The following PIEZO2 variants were observed in gnomAD, a reference collection of about 807,000 sequenced individuals.
PIEZO2 encodes piezo type mechanosensitive ion channel component 2, also known as piezo-type mechanosensitive ion channel component 2.
A neutral mutation model predicts 337.3 loss-of-function variants in PIEZO2; 172 were observed. That is an observed-to-expected ratio of 0.51 (90% CI 0.45 to 0.58). The LOEUF (loss-of-function observed/expected upper bound fraction) is 0.58, where lower values mean the gene tolerates loss of function less well. PIEZO2 is among the 20% of genes least tolerant of loss of function. The pLI, the probability that PIEZO2 is intolerant of heterozygous loss-of-function variation, is 0.00. For synonymous variants in PIEZO2, 1,251 were observed against 1,228.5 expected (o/e 1.02, Z -0.38); for missense variants, 3,028 against 3,391.3 (o/e 0.89, Z 2.66).
chr18:10,977,001 ATGTGTGTG>A (rs59666101), intron 3 of PIEZO2, among the ~76,000 whole-genome samples: 20 of 142,908 alleles, frequency 1.4e-4, no homozygotes, highest in East Asian at 4.1e-4. Flanking sequence ...AAGAACAAAT[ATGTGTGTG>A]TGTGTGTGTG....
At position 10,759,815 on chromosome 18, in the gene PIEZO2, C is replaced by A; in HGVS notation, c.3545G>T (p.Arg1182Leu). The change falls in exon 25 of 56, where the codon CGC (arginine) becomes CTC (leucine). Residue 1182 changes from arginine (R) to leucine (L), a missense_variant. Arg to Leu is a moderately radical substitution (Grantham distance 102). Coordinates refer to ENST00000674853, the MANE Select transcript of PIEZO2 (RefSeq NM_001378183.1). The surrounding 1 kb of genome is among the most constrained non-coding windows in gnomAD (Gnocchi z 5.5). ...ACWLIAVLYR[R>L]RRKAIAEIWP... ...GATCTCTGCGATGGCTTTCCTTCTG[C>A]GTCTATATAAGACAGCGATCAGCCA... 2 of 1,537,332 alleles carry A rather than the reference C, an allele frequency of 1.3e-6. No individual in the cohort carries two copies. Among genetic ancestry groups the A allele is most frequent in the South Asian group, 1.2e-5 (1 of 84,064 alleles).
intron 13 of PIEZO2, among the ~76,000 whole-genome samples, chr18:10,792,655 A>G (rs1270944405): frequency 6.6e-6 from 1 of 152,192 alleles, no homozygotes; most frequent in Non-Finnish European, 1.5e-5. Flanking sequence ...TGGCCATGCA[A>G]CATTTTATCC....
chr18:10,698,833 A>C, intron 44 of PIEZO2, 92 bp downstream of exon 44: 1 of 1,444,708 alleles, frequency 6.9e-7, no homozygotes, highest in East Asian at 2.5e-5. Flanking sequence ...GATAGCACCC[A>C]ATACACTCCC....
rs2039506819 is a variant in PIEZO2 at position 10,794,368 on chromosome 18, T to C, written c.1758+404A>G. Among the ~76,000 whole-genome samples, 3 of 152,166 alleles carry C rather than the reference T, an allele frequency of 2.0e-5. No homozygotes were observed. The highest frequency in any genetic ancestry group is 2.0e-4 in the Admixed American group (3 of 15,272). ...AATTGGAGAAAAACGTCATGAATAATCAATACTTATCTGTGACACTAATGC... is the reference window on the plus strand; with the variant it reads ...AATTGGAGAAAAACGTCATGAATAACCAATACTTATCTGTGACACTAATGC... On this transcript the variant is annotated intron_variant, in intron 13 of 55. Coordinates refer to ENST00000674853, the MANE Select transcript of PIEZO2 (RefSeq NM_001378183.1). This position sits in a 1 kb window ranked among gnomAD's most constrained non-coding sequence, Gnocchi z 6.6.
chr18:11,147,787 G>C (rs1190303700), intron 1 of PIEZO2, among the ~76,000 whole-genome samples: 1 of 152,250 alleles, frequency 6.6e-6, no homozygotes, highest in African/African-American at 2.4e-5. Context: ...ACGGTGCAAC[G>C]CTTGTCTGGG....
At chr18:10,825,673 C>A (rs1187426436) in intron 7 of PIEZO2, among the ~76,000 whole-genome samples, 1 of 151,506 alleles carries the variant, frequency 6.6e-6, no homozygotes, top group Non-Finnish European at 1.5e-5. Context: ...GCCTCAGCCT[C>A]CCAAGTAGCT....
chr18:10,740,841 T>C (rs1366626077), intron 33 of PIEZO2, 190 bp downstream of exon 33: 1 of 707,110 alleles, frequency 1.4e-6, no homozygotes, highest in South Asian at 1.5e-5. Flanking sequence ...TCTGTGCTGA[T>C]GTCTCTGGAA....
At position 10,874,544 on chromosome 18, in the gene PIEZO2, C is replaced by G. The variant is rs566175923; in HGVS notation, c.330-3129G>C. On this transcript the variant is annotated intron_variant, in intron 4 of 55. Transcript: ENST00000674853. ...TTACTGCGGCACTATTCACAATAGT[C>G]AAGATATGGAATCAACTTGAGTGTC... 2.6e-5 allele frequency among the ~76,000 whole-genome samples: 4 copies of G among 152,138 alleles called. No individual in the cohort carries two copies. The East Asian group carries it at 7.7e-4, about 29-fold the overall frequency.
In PIEZO2 at chr18:11,112,982, G is replaced by A. The variant is rs1446918942; in HGVS notation, c.64+35543C>T. Among the ~76,000 whole-genome samples, 1 of 152,064 alleles carries A rather than the reference G, an allele frequency of 6.6e-6. No individual in the cohort carries two copies. Among genetic ancestry groups the A allele is most frequent in the Non-Finnish European group, 1.5e-5 (1 of 68,030 alleles). The stretch of plus-strand genomic sequence containing the variant: ...ACCTACAGGATAAAGGTCCTGGTGT[G>A]TTTATTATTTTGGTACCTAACTCAG... On this transcript the variant is annotated intron_variant, in intron 1 of 55. Transcript: ENST00000674853. This position sits in a 1 kb window ranked among gnomAD's most constrained non-coding sequence, Gnocchi z 4.3.
At chr18:10,871,971 A>G (rs568162722) in intron 4 of PIEZO2, among the ~76,000 whole-genome samples, 32 of 152,302 alleles carry the variant, frequency 2.1e-4, no homozygotes, top group African/African-American at 7.5e-4. Context: ...AGAAGATTTG[A>G]GTTCAAGTCC....
chr18:10,681,148 G>A (rs891672060), intron 51 of PIEZO2, among the ~76,000 whole-genome samples: 2 of 152,076 alleles, frequency 1.3e-5, no homozygotes, highest in Non-Finnish European at 2.9e-5. Flanking sequence ...AACATGGCAC[G>A]TAAATAAAAT....
chr18:10,824,576 C>T lies in PIEZO2; in HGVS notation c.918-17302G>A, dbSNP rs895279580. Among the ~76,000 whole-genome samples, 35 of 152,078 alleles carry T rather than the reference C, an allele frequency of 2.3e-4. No homozygotes were observed. Among genetic ancestry groups the T allele is most frequent in the African/African-American group, 8.4e-4 (35 of 41,512 alleles). The stretch of plus-strand genomic sequence containing the variant: ...ATGTATATTATGGAATACTATGCAT[C>T]CATTTAAAATAATAAAAAAATCCAT... On this transcript the variant is annotated intron_variant, in intron 7 of 55. Coordinates refer to ENST00000674853, the MANE Select transcript of PIEZO2 (RefSeq NM_001378183.1). This position sits in a 1 kb window ranked among gnomAD's most constrained non-coding sequence, Gnocchi z 4.4.
In PIEZO2 at chr18:11,003,745, C is replaced by T. The variant is rs1156731272; in HGVS notation, c.161-24085G>A. Among the ~76,000 whole-genome samples, 1 of 152,044 alleles carries T rather than the reference C, an allele frequency of 6.6e-6. No homozygotes were observed. The highest frequency in any genetic ancestry group is 6.5e-5 in the Admixed American group (1 of 15,268). Reference sequence around the variant, plus strand: ...TTACCTAACATGTCCAGCTCTGGGACGTGGGAGGAAACCAGAGTACCTAGA... The same window carrying T: ...TTACCTAACATGTCCAGCTCTGGGATGTGGGAGGAAACCAGAGTACCTAGA... On this transcript the variant is annotated intron_variant, in intron 2 of 55. Coordinates refer to ENST00000674853, the MANE Select transcript of PIEZO2 (RefSeq NM_001378183.1). This position sits in a 1 kb window ranked among gnomAD's most constrained non-coding sequence, Gnocchi z 4.6.
At position 11,094,198 on chromosome 18, in the gene PIEZO2, C is replaced by T. The variant is rs935163016; in HGVS notation, c.65-27976G>A. On this transcript the variant is annotated intron_variant, in intron 1 of 55. Transcript: ENST00000674853. This position sits in a 1 kb window ranked among gnomAD's most constrained non-coding sequence, Gnocchi z 4.4. Reference sequence around the variant, plus strand: ...TTCATCATGTTGGCCAGGCTCTTCTCTCTACTGTGATAATTTGATTAGCTC... The same window carrying T: ...TTCATCATGTTGGCCAGGCTCTTCTTTCTACTGTGATAATTTGATTAGCTC... Among the ~76,000 whole-genome samples, 3 of 152,114 alleles carry T rather than the reference C, an allele frequency of 2.0e-5. No individual in the cohort carries two copies. The highest frequency in any genetic ancestry group is 4.4e-5 in the Non-Finnish European group (3 of 68,042).
At position 10,952,204 on chromosome 18, in the gene PIEZO2, G is replaced by T. The variant is rs1388342231; in HGVS notation, c.286+27331C>A. Among the ~76,000 whole-genome samples the T allele has an allele frequency of 6.6e-6, 1 of 152,112 alleles. No homozygotes were observed. The highest frequency in any genetic ancestry group is 2.4e-5 in the African/African-American group (1 of 41,418). On this transcript the variant is annotated intron_variant, in intron 3 of 55. Coordinates refer to ENST00000674853, the MANE Select transcript of PIEZO2 (RefSeq NM_001378183.1). The surrounding 1 kb of genome is among the most constrained non-coding windows in gnomAD (Gnocchi z 4.1). Reference sequence around the variant, plus strand: ...ATTCCAATGTGTTACCACTGTGGTCGCTGGCTCTTTTTAAATCATTTTTTT... The same window carrying T: ...ATTCCAATGTGTTACCACTGTGGTCTCTGGCTCTTTTTAAATCATTTTTTT...
At chr18:10,829,793 GA>G (rs2040788364) in intron 7 of PIEZO2, among the ~76,000 whole-genome samples, 1 of 151,996 alleles carries the variant, frequency 6.6e-6, no homozygotes, top group Admixed American at 6.6e-5. Context: ...GGAAAAAATT[GA>G]TGCAATAAAA....
Position 11,083,850 on chromosome 18 carries a change from A to C in PIEZO2, c.65-17628T>G, listed in dbSNP as rs2038829945. ...ATCAAAACAACCAGTCTCTTTAGTC[A>C]ATTTTAATTAAATAATCGATCAATT... On this transcript the variant is annotated intron_variant, in intron 1 of 55. Coordinates refer to ENST00000674853, the MANE Select transcript of PIEZO2 (RefSeq NM_001378183.1). This position sits in a 1 kb window ranked among gnomAD's most constrained non-coding sequence, Gnocchi z 4.4. Among the ~76,000 whole-genome samples the C allele has an allele frequency of 1.3e-5, 2 of 152,168 alleles. No individual in the cohort carries two copies. Among genetic ancestry groups the C allele is most frequent in the African/African-American group, 4.8e-5 (2 of 41,444 alleles).
At chr18:11,020,657 T>C (rs1198067571) in intron 2 of PIEZO2, among the ~76,000 whole-genome samples, 1 of 152,188 alleles carries the variant, frequency 6.6e-6, no homozygotes. Flanking sequence ...ACTAGCCTTT[T>C]GCCAACCACT....
At chr18:10,693,421 G>C (rs2034944809) in intron 47 of PIEZO2, among the ~76,000 whole-genome samples, 2 of 149,858 alleles carry the variant, frequency 1.3e-5, no homozygotes, top group African/African-American at 4.9e-5. Flanking sequence ...CCAGGCTGGA[G>C]TGCAGCAGCG....
Sources: allele counts gnomAD v4.1 joint callset (sites outside exome capture counted in the v4.1 genomes callset), GRCh38; gene constraint gnomAD v4.1.1; non-coding constraint Gnocchi (gnomAD v3.1); transcripts MANE v1.5; gene names NCBI Gene and HGNC (gene_info 2026-07-23, HGNC 2026-07-21).